Variants in AKAP19 observed in about 807,000 individuals in gnomAD.
The protein encoded by AKAP19 is A-kinase anchoring protein 19, also known as small A-kinase anchoring protein.
the AKAP19 span, among the ~76,000 whole-genome samples, chr2:189,983,791 A>T: frequency 6.6e-6 from 1 of 152,186 alleles, no homozygotes; most frequent in Non-Finnish European, 1.5e-5. Context: ...CTGCCCCGAA[A>T]ATCATGTAGG....
chr2:190,045,784 A>G, the AKAP19 span, among the ~76,000 whole-genome samples: 1 of 152,112 alleles, frequency 6.6e-6, no homozygotes, highest in East Asian at 1.9e-4. Flanking sequence ...TCCTAGTAGT[A>G]TGTACGGGGG....
chr2:189,893,515 T>G, the AKAP19 span, among the ~76,000 whole-genome samples: 3 of 152,200 alleles, frequency 2.0e-5, no homozygotes, highest in Non-Finnish European at 4.4e-5. Context: ...GGCGATGCCC[T>G]ACTCTGCTTC....
chr2:189,900,004 G>A, the AKAP19 span, among the ~76,000 whole-genome samples: 127 of 151,918 alleles, frequency 8.4e-4, no homozygotes, highest in Admixed American at 6.0e-3. Flanking sequence ...AAACATCCTC[G>A]TCTGCATATT....
At chr2:190,163,640 T>A in the AKAP19 span, among the ~76,000 whole-genome samples, 2 of 152,170 alleles carry the variant, frequency 1.3e-5, no homozygotes, top group Non-Finnish European at 2.9e-5. Flanking sequence ...AAGACATCAT[T>A]TCTGCCATTT....
chr2:189,913,437 A>C, the AKAP19 span, among the ~76,000 whole-genome samples: 1 of 152,132 alleles, frequency 6.6e-6, no homozygotes, highest in Non-Finnish European at 1.5e-5. Context: ...TCTTTTGCCC[A>C]AAACACTTTA....
the AKAP19 span, among the ~76,000 whole-genome samples, chr2:190,045,305 G>A: frequency 6.6e-6 from 1 of 152,188 alleles, no homozygotes. Flanking sequence ...ACTCTCCAAA[G>A]CCCAAAGGCT....
At chr2:190,182,620 C>T in the AKAP19 span, among the ~76,000 whole-genome samples, 1 of 152,290 alleles carries the variant, frequency 6.6e-6, no homozygotes, top group Non-Finnish European at 1.5e-5. Context: ...TTACCTAAGA[C>T]CCCTCTCTGT....
At chr2:190,025,766 G>C in the AKAP19 span, among the ~76,000 whole-genome samples, 1,774 of 152,230 alleles carry the variant, frequency 0.012, 39 homozygotes, top group African/African-American at 0.04. Flanking sequence ...GGCTCTCTTT[G>C]CCCAATCTTT....
the AKAP19 span, among the ~76,000 whole-genome samples, chr2:189,997,760 T>C: frequency 1.3e-5 from 2 of 152,172 alleles, no homozygotes; most frequent in African/African-American, 4.8e-5. Flanking sequence ...CAATGGGTGG[T>C]GGTCTTGCAC....
At chr2:190,149,876 C>A in the AKAP19 span, among the ~76,000 whole-genome samples, 3 of 152,142 alleles carry the variant, frequency 2.0e-5, no homozygotes, top group Admixed American at 6.5e-5. Context: ...TCTTTGTTGA[C>A]TTTCTGTCTT....
chr2:189,996,091 A>G, the AKAP19 span, among the ~76,000 whole-genome samples: 1 of 152,154 alleles, frequency 6.6e-6, no homozygotes, highest in Non-Finnish European at 1.5e-5. Flanking sequence ...GATCTTTTGC[A>G]CTGAATTTCC....
chr2:189,977,569 C>G, the AKAP19 span, among the ~76,000 whole-genome samples: 4 of 152,180 alleles, frequency 2.6e-5, no homozygotes, highest in Admixed American at 6.5e-5. Context: ...ATTAGGCACC[C>G]AAAGAGATAA....
At chr2:189,986,410 A>G in the AKAP19 span, among the ~76,000 whole-genome samples, 2 of 148,808 alleles carry the variant, frequency 1.3e-5, no homozygotes, top group African/African-American at 4.9e-5. Flanking sequence ...AAACACAAAA[A>G]AGAAAAACAA....
the AKAP19 span, among the ~76,000 whole-genome samples, chr2:190,063,478 G>C: frequency 6.6e-6 from 1 of 152,052 alleles, no homozygotes. Context: ...TACCAAGAGG[G>C]TAATGCCAGC....
At chr2:190,088,990 A>T in the AKAP19 span, among the ~76,000 whole-genome samples, 1 of 152,198 alleles carries the variant, frequency 6.6e-6, no homozygotes, top group Non-Finnish European at 1.5e-5. Context: ...AGTTATTCTC[A>T]TGGAAGCCCT....
the AKAP19 span, among the ~76,000 whole-genome samples, chr2:190,014,502 G>A: frequency 5.3e-5 from 8 of 152,246 alleles, no homozygotes; most frequent in African/African-American, 1.9e-4. Context: ...CAACATGTGG[G>A]GATCATCAGG....
At chr2:190,199,818 G>A in the AKAP19 span, 3 of 1,596,524 alleles carry the variant, frequency 1.9e-6, no homozygotes, top group Non-Finnish European at 2.6e-6. Context: ...TGGCCTGGAA[G>A]TAGTCTTTGC....
chr2:190,015,901 T>A, the AKAP19 span, among the ~76,000 whole-genome samples: 1 of 152,218 alleles, frequency 6.6e-6, no homozygotes, highest in South Asian at 2.1e-4. Flanking sequence ...GCTGCCAGTC[T>A]CTTTGCAAAA....
the AKAP19 span, chr2:190,200,798 T>C: frequency 6.0e-6 from 1 of 167,552 alleles, no homozygotes; most frequent in Admixed American, 6.5e-5. Flanking sequence ...TAACAGTTTA[T>C]AGAAGCCATG....
Sources: allele counts gnomAD v4.1 joint callset (sites outside exome capture counted in the v4.1 genomes callset), GRCh38; gene constraint gnomAD v4.1.1; transcripts MANE v1.5; gene names NCBI Gene and HGNC (gene_info 2026-07-23, HGNC 2026-07-21).